Variants in ITPK1 observed in about 807,000 individuals in gnomAD.
ITPK1 encodes inositol 1,3,4-trisphosphate 5/6-kinase.
A neutral mutation model predicts 45.3 loss-of-function variants in ITPK1; 21 were observed. The ratio of observed to expected loss-of-function variants is 0.46; its 90% CI spans 0.33 to 0.67. ITPK1 has a LOEUF of 0.67. Among genes scored for constraint, ITPK1 ranks in the 30% least tolerant of loss-of-function variants. ITPK1 has a pLI of 0.02. For missense variants in ITPK1, 474 were observed against 573.5 expected, an observed-to-expected ratio of 0.83 and a Z score of 1.77; for synonymous variants, 258 against 253.6, an observed-to-expected ratio of 1.02 and a Z score of -0.16.
At chr14:93,020,881 C>T (rs1396808442) in intron 3 of ITPK1, among the ~76,000 whole-genome samples, 1 of 152,264 alleles carries the variant, frequency 6.6e-6, no homozygotes, top group East Asian at 1.9e-4. Flanking sequence ...AGGCTCTACT[C>T]TAAGCACTTC....
At position 93,055,792 on chromosome 14, in the gene ITPK1, C is replaced by T. The variant is rs1001660018; in HGVS notation, c.120+20803G>A. On this transcript the variant is annotated intron_variant, in intron 3 of 10. Coordinates refer to ENST00000267615, the MANE Select transcript of ITPK1 (RefSeq NM_014216.6). Reference sequence around the variant, plus strand: ...CCAGCGGTCCCTACCACTCCCCGGGCAGAGAGTACAGGCTCTTGGAAGAAG... The same window carrying T: ...CCAGCGGTCCCTACCACTCCCCGGGTAGAGAGTACAGGCTCTTGGAAGAAG... Among the ~76,000 whole-genome samples the T allele has an allele frequency of 8.1e-4, 123 of 152,188 alleles. 1 individual carries two copies. Among genetic ancestry groups the T allele is most frequent in the Admixed American group, 4.6e-4 (7 of 15,278 alleles).
Position 93,063,162 on chromosome 14 carries a change from C to T in ITPK1, c.120+13433G>A, listed in dbSNP as rs1417473516. Among the ~76,000 whole-genome samples, 1 of 152,182 alleles carries T rather than the reference C, an allele frequency of 6.6e-6. No individual in the cohort carries two copies. Among genetic ancestry groups the T allele is most frequent in the Non-Finnish European group, 1.5e-5 (1 of 68,044 alleles). On this transcript the variant is annotated intron_variant, in intron 3 of 10. Coordinates refer to ENST00000267615, the MANE Select transcript of ITPK1 (RefSeq NM_014216.6). This position sits in a 1 kb window ranked among gnomAD's most constrained non-coding sequence, Gnocchi z 4.3. ...AAGGCATCCTTGCCCATCCCGGCTG[C>T]CGATGATCCTGTCAAAACACTGTAA...
Position 92,939,672 on chromosome 14 carries a change from G to T in ITPK1, c.*1889C>A, listed in dbSNP as rs570671160. On this transcript the variant is annotated 3_prime_UTR_variant, in exon 11 of 11. Coordinates refer to ENST00000267615, the MANE Select transcript of ITPK1 (RefSeq NM_014216.6). Reference sequence around the variant, plus strand: ...TACTCGGTATCTGGGCCCTGGACGCGCAAGACCCCGGAGGCCACAAACGGT... The same window carrying T: ...TACTCGGTATCTGGGCCCTGGACGCTCAAGACCCCGGAGGCCACAAACGGT... 2.8e-4 allele frequency: 280 copies of T among 985,112 alleles called. 3 individuals carry two copies. The African/African-American group carries it at 3.8e-3, about 14-fold the overall frequency. The allele number at this position is 985,112 out of a possible 1,614,324, so 61.0% of individuals were successfully genotyped here. A position where few individuals can be genotyped will look rare whatever the true frequency, so the allele number is the denominator to read the frequency against.
intron 3 of ITPK1, among the ~76,000 whole-genome samples, chr14:93,049,682 C>G (rs1889925255): frequency 1.4e-5 from 2 of 139,862 alleles, no homozygotes; most frequent in South Asian, 4.3e-4. Context: ...CTGGGGATGC[C>G]AGCCAGAGGC....
At chr14:93,111,507 T>G (rs1302711184) in intron 2 of ITPK1, among the ~76,000 whole-genome samples, 3 of 151,888 alleles carry the variant, frequency 2.0e-5, no homozygotes, top group Non-Finnish European at 4.4e-5. Context: ...GGTCAGGAGT[T>G]CGAGACCAGC....
rs935756226 is a variant in ITPK1 at position 92,938,670 on chromosome 14, T to C, written c.*2891A>G. 4 of 684,668 alleles carry C rather than the reference T, an allele frequency of 5.8e-6. No individual in the cohort carries two copies. Among genetic ancestry groups the C allele is most frequent in the Non-Finnish European group, 1.1e-5 (4 of 380,930 alleles). 42.4% of individuals were successfully genotyped at this position (684,668 alleles called of 1,614,324 possible). On this transcript the variant is annotated 3_prime_UTR_variant, in exon 11 of 11. Transcript: ENST00000267615. ...AATCCCGCCGGCCATGCTGGGTGAC[T>C]GCAGGCCCAGCCCACCCACCACGTG...
At position 93,076,707 on chromosome 14, in the gene ITPK1, G is replaced by A; in HGVS notation, c.96-88C>T. 1 of 1,523,288 alleles carries A rather than the reference G, an allele frequency of 6.6e-7. No homozygotes were observed. The highest frequency in any genetic ancestry group is 1.9e-4 in the Middle Eastern group (1 of 5,298). The allele number at this position is 1,523,288 out of a possible 1,614,324, so 94.4% of individuals were successfully genotyped here. A position where few individuals can be genotyped will look rare whatever the true frequency, so the allele number is the denominator to read the frequency against. On this transcript the variant is annotated intron_variant, in intron 2 of 10. Coordinates refer to ENST00000267615, the MANE Select transcript of ITPK1 (RefSeq NM_014216.6). This position sits in a 1 kb window ranked among gnomAD's most constrained non-coding sequence, Gnocchi z 4.3. ...GTTCCCGACAGCCGGCTGAGGGCAG[G>A]ACCATGAGAGGGTTTCAGGAGGGAG...
At chr14:92,944,961 C>T (rs1183123850) in intron 10 of ITPK1, among the ~76,000 whole-genome samples, 3 of 152,248 alleles carry the variant, frequency 2.0e-5, no homozygotes, top group Non-Finnish European at 2.9e-5. Context: ...CGCAGCTCCC[C>T]TGACTCTGTC....
At chr14:92,947,946 G>A (rs1039605985) in intron 9 of ITPK1, among the ~76,000 whole-genome samples, 16 of 152,304 alleles carry the variant, frequency 1.1e-4, no homozygotes, top group Admixed American at 2.6e-4. Context: ...ATACCCCAGC[G>A]TGCATCCACA....
chr14:93,035,934 G>A (rs1191423690), intron 3 of ITPK1, among the ~76,000 whole-genome samples: 1 of 152,242 alleles, frequency 6.6e-6, no homozygotes, highest in Non-Finnish European at 1.5e-5. Context: ...GCAGGCCCAG[G>A]TGGATGTATG....
chr14:93,000,543 G>A (rs1175121599), intron 4 of ITPK1, among the ~76,000 whole-genome samples: 1 of 152,206 alleles, frequency 6.6e-6, no homozygotes, highest in Admixed American at 6.5e-5. Context: ...GCTTTGCCAG[G>A]ATTCAAAATC....
In ITPK1 at chr14:92,941,365, G is replaced by A; in HGVS notation, c.*196C>T. ...AGGCGGACGGCCCCACTCCCCAACGGTGGACCACCTGGTACTCTCTTCCAT... is the reference window on the plus strand; with the variant it reads ...AGGCGGACGGCCCCACTCCCCAACGATGGACCACCTGGTACTCTCTTCCAT... On this transcript the variant is annotated 3_prime_UTR_variant, in exon 11 of 11. Coordinates refer to ENST00000267615, the MANE Select transcript of ITPK1 (RefSeq NM_014216.6). 2 of 1,413,352 alleles carry A rather than the reference G, an allele frequency of 1.4e-6. No homozygotes were observed. The highest frequency in any genetic ancestry group is 1.8e-6 in the Non-Finnish European group (2 of 1,091,416). 87.6% of individuals were successfully genotyped at this position (1,413,352 alleles called of 1,614,324 possible).
intron 3 of ITPK1, among the ~76,000 whole-genome samples, chr14:93,033,931 G>A (rs1889191091): frequency 1.3e-5 from 2 of 152,120 alleles, no homozygotes; most frequent in Non-Finnish European, 2.9e-5. Context: ...CACAGCAGCT[G>A]TGGGACTGGG....
At chr14:93,113,582 T>C (rs114204947) in intron 2 of ITPK1, among the ~76,000 whole-genome samples, 4,385 of 152,308 alleles carry the variant, frequency 0.029, 106 homozygotes, top group Admixed American at 0.083. Context: ...CAAATTTCTT[T>C]AGTGTCTTAG....
At chr14:92,975,817 G>A (rs1159965379) in intron 5 of ITPK1, among the ~76,000 whole-genome samples, 2 of 152,146 alleles carry the variant, frequency 1.3e-5, no homozygotes, top group Admixed American at 1.3e-4. Flanking sequence ...GATATGGTTT[G>A]GCTGTGTCCC....
At position 92,938,419 on chromosome 14, in the gene ITPK1, G is replaced by T; in HGVS notation, c.*3142C>A. The T allele has an allele frequency of 1.6e-6, 2 of 1,285,898 alleles. No individual in the cohort carries two copies. The highest frequency in any genetic ancestry group is 1.7e-5 in the Admixed American group (1 of 59,352). 79.7% of individuals were successfully genotyped at this position (1,285,898 alleles called of 1,614,324 possible). ...ACAGGCTGGCTCCCTTGGTCTTGGG[G>T]TGGCTGTCTGGCAGGCAACAGCTGC... On this transcript the variant is annotated 3_prime_UTR_variant, in exon 11 of 11. Transcript: ENST00000267615.
chr14:93,050,927 G>A (rs1341934433), intron 3 of ITPK1, among the ~76,000 whole-genome samples: 2 of 152,158 alleles, frequency 1.3e-5, no homozygotes, highest in African/African-American at 4.8e-5. Flanking sequence ...TTGCGGTGCT[G>A]GAAGAGACTC....
At chr14:93,101,129 G>A (rs1166329874) in intron 2 of ITPK1, among the ~76,000 whole-genome samples, 1 of 152,158 alleles carries the variant, frequency 6.6e-6, no homozygotes, top group African/African-American at 2.4e-5. Flanking sequence ...TCATGGCCCA[G>A]AACAGAACAC....
intron 4 of ITPK1, among the ~76,000 whole-genome samples, chr14:93,010,570 C>G (rs1241785549): frequency 6.6e-6 from 1 of 152,264 alleles, no homozygotes; most frequent in African/African-American, 2.4e-5. Flanking sequence ...CTGGCCCTGC[C>G]TTTTAGGCAT....
Sources: gnomAD v4.1 joint callset for allele counts (sites outside exome capture counted in the v4.1 genomes callset) on GRCh38, gnomAD v4.1.1 for gene constraint, Gnocchi (gnomAD v3.1) non-coding constraint, MANE v1.5 for transcripts, NCBI Gene and HGNC (gene_info 2026-07-23, HGNC 2026-07-21) for gene names.